The following L3MBTL4 variants were observed in gnomAD, a reference collection of about 807,000 sequenced individuals.
L3MBTL4 encodes the protein lethal(3)malignant brain tumor-like protein 4.
L3MBTL4 carries 70 observed loss-of-function variants against 84.5 expected under a neutral mutation model. That is an observed-to-expected ratio of 0.83 (90% CI 0.68 to 1.01). The LOEUF (loss-of-function observed/expected upper bound fraction) is 1.01. Ranked by LOEUF, L3MBTL4 falls within the 50% of genes least tolerant of loss-of-function variation. The probability of loss-of-function intolerance (pLI) is 0.00; values close to 1 mark genes in which losing one functional copy is unlikely to be tolerated. For missense variants in L3MBTL4, 715 were observed against 754.8 expected, an observed-to-expected ratio of 0.95 and a Z score of 0.62; for synonymous variants, 274 against 259.8, an observed-to-expected ratio of 1.05 and a Z score of -0.52.
At chr18:6,160,133 G>A (rs1219191346) in intron 13 of L3MBTL4, among the ~76,000 whole-genome samples, 1 of 152,116 alleles carries the variant, frequency 6.6e-6, no homozygotes, top group African/African-American at 2.4e-5. Context: ...AAGTGTTTCC[G>A]GACATGAGCT....
intron 3 of L3MBTL4, among the ~76,000 whole-genome samples, chr18:6,309,254 T>C (rs922201029): frequency 2.0e-5 from 3 of 152,216 alleles, no homozygotes; most frequent in Non-Finnish European, 2.9e-5. Flanking sequence ...CCACAGTGAA[T>C]GCAGCCCCAG....
Position 6,130,678 on chromosome 18 carries a change from C to G in L3MBTL4, c.1199+7516G>C, listed in dbSNP as rs530341459. On this transcript the variant is annotated intron_variant, in intron 14 of 18. Transcript: ENST00000317931. ...GATCAAGTCTTCTGGAGTCTGTGTT[C>G]TACTCATTTGGAAAAAAAAATTTCG... is the stretch of plus-strand genomic sequence containing the variant. Among the ~76,000 whole-genome samples, 3 of 152,184 alleles carry G rather than the reference C, an allele frequency of 2.0e-5. No homozygotes were observed. The South Asian group carries it at 6.2e-4, about 32-fold the overall frequency.
At chr18:6,029,827 T>C in intron 16 of L3MBTL4, 12 of 985,402 alleles carry the variant, frequency 1.2e-5, no homozygotes, top group Non-Finnish European at 1.4e-5. Flanking sequence ...TAAGGGTAGC[T>C]GAGGAAATGC....
rs75781779 is a variant in L3MBTL4, at chr18:5,989,924, C to T, written c.1445-20362G>A. Among the ~76,000 whole-genome samples, 2,037 of 152,254 alleles carry T rather than the reference C, an allele frequency of 0.013. 97 individuals are homozygous for T. The East Asian group carries it at 0.14, about 11-fold the overall frequency. On this transcript the variant is annotated intron_variant, in intron 16 of 18. Coordinates refer to ENST00000317931, the MANE Select transcript of L3MBTL4 (RefSeq NM_001330559.2). ...GCACCACTGGAGGTGAGGGTGAGAG[C>T]GTGAGGGCACAAGGCAAGTAGAGTG... is the stretch of plus-strand genomic sequence containing the variant.
chr18:6,103,443 T>C (rs931453264), intron 14 of L3MBTL4, among the ~76,000 whole-genome samples: 2 of 152,250 alleles, frequency 1.3e-5, no homozygotes, highest in Admixed American at 6.5e-5. Flanking sequence ...ATGTTTTTCC[T>C]CTTTTTTAAA....
At chr18:6,062,345 T>A (rs761973418) in intron 16 of L3MBTL4, among the ~76,000 whole-genome samples, 2 of 152,058 alleles carry the variant, frequency 1.3e-5, no homozygotes, top group Non-Finnish European at 2.9e-5. Context: ...CCAGTGTAAT[T>A]CTTATCACTG....
intron 16 of L3MBTL4, among the ~76,000 whole-genome samples, chr18:5,974,041 T>C (rs559777822): frequency 5.9e-5 from 9 of 152,354 alleles, no homozygotes; most frequent in African/African-American, 1.7e-4. Context: ...AAAGATGTCC[T>C]TACGTGTAGG....
chr18:6,081,950 C>A (rs541032776), intron 15 of L3MBTL4, among the ~76,000 whole-genome samples: 1 of 151,974 alleles, frequency 6.6e-6, no homozygotes, highest in Non-Finnish European at 1.5e-5. Flanking sequence ...TGGACTTTAC[C>A]ATAGGTCCTA....
Position 6,004,994 on chromosome 18 carries a change from ATAATTT to A in L3MBTL4, c.1445-35438_1445-35433del, listed in dbSNP as rs1390991731. 1.3e-3 allele frequency among the ~76,000 whole-genome samples: 59 copies of A among 46,250 alleles called. 1 individual carries two copies. The highest frequency in any genetic ancestry group is 3.5e-3 in the African/African-American group (56 of 16,114). 30.3% of individuals were successfully genotyped at this position (46,250 alleles called of 152,430 possible). A position where few individuals can be genotyped will look rare whatever the true frequency, so the allele number is the denominator to read the frequency against. ...TGTACACATAAAAATGGTTAAGATG[ATAATTT>A]TTTTTTTTTTTTTTTTTTTTTTTTT... On this transcript the variant is annotated intron_variant, in intron 16 of 18. Transcript: ENST00000317931.
At chr18:6,288,686 TG>T (rs2049707234) in intron 4 of L3MBTL4, among the ~76,000 whole-genome samples, 1 of 152,052 alleles carries the variant, frequency 6.6e-6, no homozygotes, top group African/African-American at 2.4e-5. Context: ...GGTAAATACC[TG>T]GTATTAACAG....
chr18:6,246,669 C>T (rs1224480495), intron 5 of L3MBTL4, among the ~76,000 whole-genome samples: 1 of 152,110 alleles, frequency 6.6e-6, no homozygotes, highest in African/African-American at 2.4e-5. Context: ...TTTGGGAGGC[C>T]AAGGCAGGTG....
At chr18:6,398,196 T>C (rs998180294) in intron 1 of L3MBTL4, among the ~76,000 whole-genome samples, 1 of 152,168 alleles carries the variant, frequency 6.6e-6, no homozygotes, top group Non-Finnish European at 1.5e-5. Flanking sequence ...AAGAAAAAGT[T>C]GGCAACTCTC....
chr18:6,140,131 G>T (rs80115094), intron 13 of L3MBTL4, among the ~76,000 whole-genome samples: 1 of 152,064 alleles, frequency 6.6e-6, no homozygotes. Flanking sequence ...CCACAAAATC[G>T]TATCCTCCCA....
intron 14 of L3MBTL4, among the ~76,000 whole-genome samples, chr18:6,125,522 G>C (rs956116577): frequency 3.3e-5 from 5 of 152,086 alleles, no homozygotes; most frequent in Non-Finnish European, 7.4e-5. Context: ...TCAACCTCCT[G>C]GGCTCAGGCG....
At chr18:6,003,008 T>A (rs2054282407) in intron 16 of L3MBTL4, among the ~76,000 whole-genome samples, 1 of 150,070 alleles carries the variant, frequency 6.7e-6, no homozygotes, top group Admixed American at 6.6e-5. Context: ...TGTAAAAGGA[T>A]ATTCCATGCA....
At chr18:6,021,172 T>C (rs762368112) in intron 16 of L3MBTL4, among the ~76,000 whole-genome samples, 4 of 152,148 alleles carry the variant, frequency 2.6e-5, no homozygotes, top group African/African-American at 9.7e-5. Context: ...AGTTTTGCAA[T>C]GAGGTGCTCA....
At chr18:6,267,372 C>T (rs1370149353) in intron 4 of L3MBTL4, among the ~76,000 whole-genome samples, 1 of 152,154 alleles carries the variant, frequency 6.6e-6, no homozygotes, top group Admixed American at 6.5e-5. Flanking sequence ...GGTGTGATTT[C>T]CATCAAGGAG....
intron 1 of L3MBTL4, among the ~76,000 whole-genome samples, chr18:6,312,310 A>G (rs1443613619): frequency 6.6e-6 from 1 of 152,194 alleles, no homozygotes; most frequent in Non-Finnish European, 1.5e-5. Flanking sequence ...ATAGCCCTAA[A>G]TCATCTATAG....
chr18:6,253,261 C>G (rs7235106), intron 5 of L3MBTL4, among the ~76,000 whole-genome samples: 13,233 of 152,248 alleles, frequency 0.087, 1,868 homozygotes, highest in African/African-American at 0.3. Context: ...CCCCATTTCA[C>G]ACATGAAGAA....
Sources: allele counts gnomAD v4.1 joint callset (sites outside exome capture counted in the v4.1 genomes callset), GRCh38; gene constraint gnomAD v4.1.1; transcripts MANE v1.5; gene names NCBI Gene and HGNC (gene_info 2026-07-23, HGNC 2026-07-21).